RASAL2: variants seen among roughly 807,000 people sequenced by gnomAD.
RASAL2 encodes RAS protein activator like 2, also known as ras GTPase-activating protein nGAP.
Under a neutral mutation model 128.9 loss-of-function variants are expected in RASAL2, and 58 were observed. The observed-to-expected ratio is 0.45, with a 90% CI of 0.36 to 0.56. The LOEUF is 0.56. Ranked by LOEUF, RASAL2 falls within the 20% of genes least tolerant of loss-of-function variation. The probability of loss-of-function intolerance (pLI) is 0.00; values close to 1 mark genes in which losing one functional copy is unlikely to be tolerated. For synonymous variants in RASAL2, 561 were observed against 580.8 expected (o/e 0.97, Z 0.49); for missense variants, 1,360 against 1,601.6 (o/e 0.85, Z 2.57).
rs751056659 is a variant in RASAL2 at position 178,214,589 on chromosome 1, C to T, written c.203-68975C>T. Reference sequence around the variant, plus strand: ...TTTTTTTTTTTTTGAGACAGAGTCTCGCTCTGTCGCCCAGGCTGGAGTGCA... The same window carrying T: ...TTTTTTTTTTTTTGAGACAGAGTCTTGCTCTGTCGCCCAGGCTGGAGTGCA... On this transcript the variant is annotated intron_variant, in intron 1 of 17. Coordinates refer to ENST00000367649, the MANE Select transcript of RASAL2 (RefSeq NM_170692.4). Among the ~76,000 whole-genome samples the T allele has an allele frequency of 1.5e-3, 230 of 149,156 alleles. 2 individuals carry two copies. The highest frequency in any genetic ancestry group is 2.8e-3 in the Non-Finnish European group (187 of 67,496).
chr1:178,454,836 A>G (rs188767796), intron 12 of RASAL2, among the ~76,000 whole-genome samples, 188 bp downstream of exon 12: 223 of 152,276 alleles, frequency 1.5e-3, no homozygotes, highest in African/African-American at 5.2e-3. Context: ...GAAAACCATG[A>G]CATTATTAAT....
At chr1:178,337,889 G>A (rs1403136079) in intron 3 of RASAL2, among the ~76,000 whole-genome samples, 3 of 151,634 alleles carry the variant, frequency 2.0e-5, no homozygotes, top group Non-Finnish European at 2.9e-5. Context: ...CTGCCACCAC[G>A]CCTGGCTAAT....
At chr1:178,099,217 A>T (rs1302919809) in intron 1 of RASAL2, among the ~76,000 whole-genome samples, 3 of 152,210 alleles carry the variant, frequency 2.0e-5, no homozygotes, top group African/African-American at 7.2e-5. Context: ...CTGTTAATTG[A>T]ATCTTTACAC....
chr1:178,116,330 A>G (rs567196200), intron 1 of RASAL2, among the ~76,000 whole-genome samples: 149 of 152,226 alleles, frequency 9.8e-4, no homozygotes, highest in Non-Finnish European at 1.6e-3. Context: ...GTTCACAACT[A>G]AAAGTAATGG....
intron 3 of RASAL2, among the ~76,000 whole-genome samples, chr1:178,305,753 A>G (rs928843466): frequency 6.6e-6 from 1 of 152,216 alleles, no homozygotes; most frequent in Admixed American, 6.5e-5. Flanking sequence ...TACAGACTAC[A>G]GATACAAATT....
chr1:178,276,428 A>C (rs778362941), intron 1 of RASAL2, among the ~76,000 whole-genome samples: 45 of 152,216 alleles, frequency 3.0e-4, no homozygotes, highest in Non-Finnish European at 4.9e-4. Context: ...ACTAGGTCTT[A>C]AGCAGACAAC....
chr1:178,457,154 G>A (rs1677834765), intron 13 of RASAL2, among the ~76,000 whole-genome samples: 1 of 152,182 alleles, frequency 6.6e-6, no homozygotes, highest in Non-Finnish European at 1.5e-5. Context: ...TTGCTTAGTG[G>A]AAGACTAAAG....
At position 178,458,305 on chromosome 1, in the gene RASAL2, A is replaced by G. The variant is rs1378666315; in HGVS notation, c.3013A>G (p.Ser1005Gly). 7 of 1,614,268 alleles carry G rather than the reference A, an allele frequency of 4.3e-6. No homozygotes were observed. The highest frequency in any genetic ancestry group is 5.9e-6 in the Non-Finnish European group (7 of 1,180,044). ...ACCTCTTGCTTTGCCACGACAAAAT[A>G]GTACTGGGCAGGCCCAGATCCGAAA... ...HIPLALPRQN[S>G]TGQAQIRKVD... The change falls in exon 14 of 18, where the codon AGT becomes GGT. Residue 1005 changes from serine to glycine, a missense_variant. Ser to Gly is a moderately conservative substitution (Grantham distance 56, BLOSUM62 0). Around this residue, in one of 3 missense-constraint regions of RASAL2, gnomAD observed 741 missense variants for 868.6 expected, o/e 0.85. Transcript: ENST00000367649.
intron 3 of RASAL2, among the ~76,000 whole-genome samples, chr1:178,368,401 A>G (rs1671519480): frequency 6.6e-6 from 1 of 152,214 alleles, no homozygotes; most frequent in Non-Finnish European, 1.5e-5. Flanking sequence ...TAGCACATGC[A>G]TATGTGTATA....
At chr1:178,318,717 A>G (rs1287811813) in intron 3 of RASAL2, among the ~76,000 whole-genome samples, 3 of 152,156 alleles carry the variant, frequency 2.0e-5, no homozygotes, top group African/African-American at 7.2e-5. Context: ...TCCTGAATAC[A>G]GCACACTGAT....
rs148946658 is a variant in RASAL2, at chr1:178,256,203, A to G, written c.203-27361A>G. Among the ~76,000 whole-genome samples, 46 of 152,354 alleles carry G rather than the reference A, an allele frequency of 3.0e-4. No individual in the cohort carries two copies. The East Asian group carries it at 8.3e-3, about 27-fold the overall frequency. ...CCCAGGAATGCTAGGTTGTTTGAAC[A>G]TAAGAAAATCAATGACGGTAATATA... On this transcript the variant is annotated intron_variant, in intron 1 of 17. Transcript: ENST00000367649.
At chr1:178,441,777 C>T in intron 7 of RASAL2, 130 bp downstream of exon 7, 1 of 628,170 alleles carries the variant, frequency 1.6e-6, no homozygotes, top group East Asian at 3.0e-5. Context: ...ATATGTTATG[C>T]CATTTGTAGT....
At chr1:178,418,157 A>G (rs746677313) in intron 4 of RASAL2, among the ~76,000 whole-genome samples, 7 of 152,162 alleles carry the variant, frequency 4.6e-5, no homozygotes, top group Non-Finnish European at 1.0e-4. Flanking sequence ...TATGCAGTTG[A>G]AAAATTTCAT....
chr1:178,219,856 T>A (rs918196661), intron 1 of RASAL2, among the ~76,000 whole-genome samples: 1 of 152,038 alleles, frequency 6.6e-6, no homozygotes, highest in African/African-American at 2.4e-5. Context: ...TTTCATCCCC[T>A]CCAAATCTTG....
chr1:178,285,411 C>T (rs1413159843), intron 2 of RASAL2, among the ~76,000 whole-genome samples: 6 of 152,120 alleles, frequency 3.9e-5, no homozygotes, highest in South Asian at 4.1e-4. Flanking sequence ...TGAGCCACCG[C>T]GCCCGGCCGG....
intron 5 of RASAL2, among the ~76,000 whole-genome samples, chr1:178,433,064 C>A (rs536669271): frequency 6.6e-6 from 1 of 152,086 alleles, no homozygotes; most frequent in Non-Finnish European, 1.5e-5. Flanking sequence ...TCATTATTCA[C>A]CAGGCCTCAC....
chr1:178,131,141 C>A (rs1660097893), intron 1 of RASAL2, among the ~76,000 whole-genome samples: 1 of 151,682 alleles, frequency 6.6e-6, no homozygotes, highest in Admixed American at 6.6e-5. Flanking sequence ...TTTAAAATTC[C>A]AAATAATTAG....
At position 178,473,108 on chromosome 1, in the gene RASAL2, A is replaced by G; in HGVS notation, c.3712A>G (p.Thr1238Ala). The stretch of plus-strand genomic sequence containing the variant: ...GATCGTGTCCCTGGATTCAGCCAAC[A>G]CCAGACTGATGAGCGCGCTGACCCA... ...KRIVSLDSAN[T>A]RLMSALTQVK... Residue 1238 changes from threonine to alanine, a missense_variant, in exon 18 of 18, where the codon ACC (threonine) becomes GCC (alanine). This residue lies in a region of RASAL2 where 741 missense variants were observed against 868.6 expected (regional missense o/e 0.85). Transcript: ENST00000367649. 1 of 1,614,188 alleles carries G rather than the reference A, an allele frequency of 6.2e-7. No individual in the cohort carries two copies. Among genetic ancestry groups the G allele is most frequent in the East Asian group, 2.2e-5 (1 of 44,880 alleles).
intron 1 of RASAL2, among the ~76,000 whole-genome samples, chr1:178,166,419 A>G (rs949698312): frequency 6.6e-6 from 1 of 152,182 alleles, no homozygotes; most frequent in Non-Finnish European, 1.5e-5. Flanking sequence ...AATAGTTAGC[A>G]TCCTTATGAT....
Sources: gnomAD v4.1 joint callset for allele counts (sites outside exome capture counted in the v4.1 genomes callset) on GRCh38, gnomAD v4.1.1 for gene constraint, gnomAD v4.1.1 regional missense constraint, MANE v1.5 for transcripts, NCBI Gene and HGNC (gene_info 2026-07-23, HGNC 2026-07-21) for gene names.